PRRG2: variants seen among roughly 807,000 people sequenced by gnomAD.
PRRG2 encodes the protein transmembrane gamma-carboxyglutamic acid protein 2.
In PRRG2, 23 loss-of-function variants were observed where a neutral mutation model predicts 27.1. That is an observed-to-expected ratio of 0.85 (90% confidence interval 0.61 to 1.20). PRRG2 has a LOEUF of 1.20. PRRG2 is among the 50% of genes most tolerant of loss of function. The pLI is 0.00. For synonymous variants in PRRG2, 104 were observed against 103.4 expected, an observed-to-expected ratio of 1.01 and a Z score of -0.03; for missense variants, 276 against 254.8, an observed-to-expected ratio of 1.08 and a Z score of -0.57.
chr19:49,584,950 G>C (rs2080658052), intron 4 of PRRG2, among the ~76,000 whole-genome samples: 1 of 152,164 alleles, frequency 6.6e-6, no homozygotes, highest in Non-Finnish European at 1.5e-5. Context: ...CAGCCCTCTA[G>C]CAACACGACC....
At chr19:49,585,829 A>G (rs1476883738) in intron 4 of PRRG2, among the ~76,000 whole-genome samples, 4 of 150,760 alleles carry the variant, frequency 2.7e-5, no homozygotes, top group Non-Finnish European at 5.9e-5. Context: ...CCTGTAATCC[A>G]AGCACTTTGG....
intron 1 of PRRG2, among the ~76,000 whole-genome samples, chr19:49,581,846 C>T (rs2080626388): frequency 6.6e-6 from 1 of 152,140 alleles, no homozygotes; most frequent in South Asian, 2.1e-4. Context: ...ACACTGCCTT[C>T]ACTGAAATCC....
intron 4 of PRRG2, 48 bp downstream of exon 4, chr19:49,584,000 C>T: frequency 1.3e-6 from 2 of 1,560,574 alleles, no homozygotes; most frequent in South Asian, 1.2e-5. Context: ...TAAGGTAGTC[C>T]CTTCCCAGCG....
At chr19:49,586,381 C>T (rs1478541076) in intron 4 of PRRG2, among the ~76,000 whole-genome samples, 1 of 115,630 alleles carries the variant, frequency 8.6e-6, no homozygotes, top group African/African-American at 4.0e-5. Context: ...GCCACCAAGC[C>T]CGGCCATTTT....
intron 6 of PRRG2, 146 bp from the exon 7 acceptor site, chr19:49,590,225 T>C (rs548035602): frequency 2.0e-5 from 28 of 1,431,920 alleles, no homozygotes; most frequent in Non-Finnish European, 2.5e-5. Context: ...CAGCGTTGTA[T>C]GTGTGGAGCC....
At chr19:49,582,701 A>G (rs915174461) in intron 1 of PRRG2, among the ~76,000 whole-genome samples, 6 of 151,866 alleles carry the variant, frequency 4.0e-5, no homozygotes, top group Non-Finnish European at 8.8e-5. Context: ...CCCCATCTCT[A>G]CTAAAAATAC....
chr19:49,585,264 G>A (rs963500105), intron 4 of PRRG2, among the ~76,000 whole-genome samples: 25 of 152,190 alleles, frequency 1.6e-4, no homozygotes, highest in Admixed American at 9.2e-4. Flanking sequence ...ACCACCCTCC[G>A]GGCCTCCGAT....
Position 49,589,912 on chromosome 19 carries a change from T to G in PRRG2, c.450T>G (p.Ile150Met). The G allele has an allele frequency of 6.2e-7, 1 of 1,612,956 alleles. No homozygotes were observed. Among genetic ancestry groups the G allele is most frequent in the Non-Finnish European group, 8.5e-7 (1 of 1,179,922 alleles). ...TTGCTGTCCCCAGGGCCGGGCTCAT[T>G]AGCCCTCTGAGTCCTTTGAACCCTC... Reference protein sequence around the residue: ...QQPCPQEAGLISPLSPLNPLG... With the variant: ...QQPCPQEAGLMSPLSPLNPLG... The change falls in exon 6 of 7, where the codon ATT becomes ATG. Residue 150 changes from isoleucine (I) to methionine (M), a missense_variant. By Grantham distance (10) the Ile-to-Met change is conservative. Coordinates refer to ENST00000246794, the MANE Select transcript of PRRG2 (RefSeq NM_000951.3).
chr19:49,583,100 G>A (rs538336648), intron 1 of PRRG2, 107 bp from the exon 2 acceptor site: 33 of 795,730 alleles, frequency 4.1e-5, no homozygotes, highest in Admixed American at 2.8e-4. Context: ...GGCTGTGTAA[G>A]TGGCTGCTAT....
chr19:49,584,080 G>A lies in PRRG2; in HGVS notation c.301+128G>A, dbSNP rs1026195313. On this transcript the variant is annotated intron_variant, in intron 4 of 6. Coordinates refer to ENST00000246794, the MANE Select transcript of PRRG2 (RefSeq NM_000951.3). The stretch of plus-strand genomic sequence containing the variant: ...TCTGCCCCCCAATTCTGTGCTCTCT[G>A]AAGCTGGCTGCTAAAGGAGTTCCCT... 5 of 988,988 alleles carry A rather than the reference G, an allele frequency of 5.1e-6. No homozygotes were observed. In the African/African-American group the frequency reaches 8.3e-5, roughly 16 times the overall value. 61.3% of individuals were successfully genotyped at this position (988,988 alleles called of 1,614,324 possible). A position where few individuals can be genotyped will look rare whatever the true frequency, so the allele number is the denominator to read the frequency against.
At chr19:49,583,469 C>T (rs1318237512) in intron 2 of PRRG2, 73 bp from the exon 3 acceptor site, 10 of 1,562,974 alleles carry the variant, frequency 6.4e-6, no homozygotes, top group Non-Finnish European at 8.7e-6. Context: ...CAGGACCCCA[C>T]TGCTTTCCAT....
In PRRG2 at chr19:49,583,904, C is replaced by A. The variant is rs981177825; in HGVS notation, c.262-9C>A. The A allele has an allele frequency of 5.6e-6, 9 of 1,613,780 alleles. No homozygotes were observed. Among genetic ancestry groups the A allele is most frequent in the Non-Finnish European group, 7.6e-6 (9 of 1,179,722 alleles). ...TTTTCCCCTTCTTTTCCACTCCTTC[C>A]CCCTCAAGGAGCGCTTTTGGGAGAG... is the stretch of plus-strand genomic sequence containing the variant. On this transcript the variant is annotated splice_polypyrimidine_tract_variant and intron_variant, in intron 3 of 6. Transcript: ENST00000246794.
chr19:49,584,459 C>T lies in PRRG2; in HGVS notation c.301+507C>T, dbSNP rs531535289. Among the ~76,000 whole-genome samples the T allele has an allele frequency of 2.3e-3, 345 of 152,000 alleles. 1 individual carries two copies. The highest frequency in any genetic ancestry group is 7.7e-3 in the African/African-American group (320 of 41,470). ...TGCTGGGATTACAGGCGTGAGCCAC[C>T]GCGCCAGGCCTTTAATTATTTATTT... is the stretch of plus-strand genomic sequence containing the variant. On this transcript the variant is annotated intron_variant, in intron 4 of 6. Coordinates refer to ENST00000246794, the MANE Select transcript of PRRG2 (RefSeq NM_000951.3).
At position 49,589,960 on chromosome 19, in the gene PRRG2, T is replaced by TCCACCCCCACCC. The variant is rs745541502; in HGVS notation, c.508_519dup (p.Pro170_Pro173dup). The TCCACCCCCACCC allele has an allele frequency of 4.5e-6, 7 of 1,566,216 alleles. No homozygotes were observed. Among genetic ancestry groups the TCCACCCCCACCC allele is most frequent in the Non-Finnish European group, 5.2e-6 (6 of 1,150,914 alleles). On this transcript the variant is annotated inframe_insertion, in exon 6 of 7. Transcript: ENST00000246794. Reference sequence around the variant, plus strand: ...CTCTGGGCCCACCGACGCCCCTGCCTCCACCCCCACCCCCACCCCCAGGCC... The same window carrying TCCACCCCCACCC: ...CTCTGGGCCCACCGACGCCCCTGCCTCCACCCCCACCCCCACCCCCACCCCCACCCCCAGGCC...
Position 49,590,516 on chromosome 19 carries a change from C to T in PRRG2, c.*127C>T. The T allele has an allele frequency of 3.0e-6, 4 of 1,333,858 alleles. No homozygotes were observed. In the South Asian group the frequency reaches 3.7e-5, roughly 13 times the overall value. 82.6% of individuals were successfully genotyped at this position (1,333,858 alleles called of 1,614,324 possible). ...GGGAATGGTGGGAGTAGGGGTCATC[C>T]GGCCCGAGGCCTGCCCTGGCACACG... On this transcript the variant is annotated 3_prime_UTR_variant, in exon 7 of 7. Transcript: ENST00000246794.
rs2080712865 is a variant in PRRG2 at position 49,590,524 on chromosome 19, G to C, written c.*135G>C. 8.1e-7 allele frequency: 1 copy of C among 1,239,580 alleles called. No homozygotes were observed. The highest frequency in any genetic ancestry group is 1.3e-5 in the South Asian group (1 of 76,340). The allele number at this position is 1,239,580 out of a possible 1,614,324, so 76.8% of individuals were successfully genotyped here. On this transcript the variant is annotated 3_prime_UTR_variant, in exon 7 of 7. Transcript: ENST00000246794. The stretch of plus-strand genomic sequence containing the variant: ...TGGGAGTAGGGGTCATCCGGCCCGA[G>C]GCCTGCCCTGGCACACGCGTTTCCG...
At chr19:49,583,795 G>A in intron 3 of PRRG2, 78 bp downstream of exon 3, 2 of 1,608,574 alleles carry the variant, frequency 1.2e-6, no homozygotes, top group African/African-American at 1.3e-5. Context: ...GGTAGGTTCT[G>A]GCCTTCAGCT....
intron 4 of PRRG2, among the ~76,000 whole-genome samples, chr19:49,586,255 T>C (rs182533265): frequency 9.2e-4 from 140 of 151,728 alleles, no homozygotes; most frequent in Non-Finnish European, 1.4e-3. Flanking sequence ...ATACTTAAAA[T>C]TTTTTTTGTA....
At chr19:49,588,660 G>A (rs1460724136) in intron 5 of PRRG2, 28 bp downstream of exon 5, 6 of 1,515,116 alleles carry the variant, frequency 4.0e-6, no homozygotes, top group Non-Finnish European at 5.3e-6. Context: ...AGGAGGGGGT[G>A]GTGGTGGAGA....
Sources: gnomAD v4.1 joint callset for allele counts (sites outside exome capture counted in the v4.1 genomes callset) on GRCh38, gnomAD v4.1.1 for gene constraint, MANE v1.5 for transcripts, NCBI Gene and HGNC (gene_info 2026-07-23, HGNC 2026-07-21) for gene names.